TEAD3: variants seen among roughly 807,000 people sequenced by gnomAD.
TEAD3 encodes TEA domain transcription factor 3, also known as transcriptional enhancer factor TEF-5.
A neutral mutation model predicts 55.6 loss-of-function variants in TEAD3; 15 were observed. That is an observed-to-expected ratio of 0.27 (90% confidence interval 0.18 to 0.42). TEAD3 has a LOEUF of 0.42. Among genes scored for constraint, TEAD3 ranks in the 10% least tolerant of loss-of-function variants. TEAD3 has a pLI of 1.00. For missense variants in TEAD3, 407 were observed against 576.8 expected, an observed-to-expected ratio of 0.71 and a Z score of 3.01; for synonymous variants, 210 against 232.2, an observed-to-expected ratio of 0.90 and a Z score of 0.87.
Position 35,486,791 on chromosome 6 carries a change from G to A in TEAD3, c.-49-80C>T. On this transcript the variant is annotated intron_variant, in intron 1 of 12. Transcript: ENST00000639578. This position sits in a 1 kb window ranked among gnomAD's most constrained non-coding sequence, Gnocchi z 7.3. ...CTCCTATCCCACAGCCGCTGGCTCT[G>A]GAGCTCCGCCCCCAGCCCCAAGCCC... 1 of 1,047,958 alleles carries A rather than the reference G, an allele frequency of 9.5e-7. No individual in the cohort carries two copies. Among genetic ancestry groups the A allele is most frequent in the Non-Finnish European group, 1.4e-6 (1 of 734,888 alleles). 64.9% of individuals were successfully genotyped at this position (1,047,958 alleles called of 1,614,324 possible).
In TEAD3 at chr6:35,475,784, C is replaced by G. The variant is rs1367982797; in HGVS notation, c.901-78G>C. The G allele has an allele frequency of 1.3e-6, 2 of 1,516,856 alleles. No individual in the cohort carries two copies. The highest frequency in any genetic ancestry group is 1.8e-6 in the Non-Finnish European group (2 of 1,133,456). The allele number at this position is 1,516,856 out of a possible 1,614,324, so 94.0% of individuals were successfully genotyped here. On this transcript the variant is annotated intron_variant, in intron 10 of 12. Transcript: ENST00000639578. This position sits in a 1 kb window ranked among gnomAD's most constrained non-coding sequence, Gnocchi z 5.4. Reference sequence around the variant, plus strand: ...CGCCACACCACATCAGAGTCCTGCCCAAGGATCCATCTCTGGCACTCTGCC... The same window carrying G: ...CGCCACACCACATCAGAGTCCTGCCGAAGGATCCATCTCTGGCACTCTGCC...
chr6:35,478,902 C>T (rs1408342768), intron 5 of TEAD3, among the ~76,000 whole-genome samples: 5 of 126,932 alleles, frequency 3.9e-5, no homozygotes, highest in Non-Finnish European at 7.9e-5. Flanking sequence ...TTTTTTGAGA[C>T]GGAGTCTCGC....
chr6:35,492,931 C>A (rs1424241520), intron 1 of TEAD3, among the ~76,000 whole-genome samples: 1 of 152,070 alleles, frequency 6.6e-6, no homozygotes, highest in Admixed American at 6.6e-5. Flanking sequence ...TCTCAGGTAT[C>A]CAGTGAGAGA....
At chr6:35,477,456 A>G in intron 7 of TEAD3, 84 bp from the exon 8 acceptor site, 1 of 1,350,644 alleles carries the variant, frequency 7.4e-7, no homozygotes, top group Non-Finnish European at 1.0e-6. Context: ...AGACCCCAGG[A>G]GCAAGCCACC....
In TEAD3 at chr6:35,488,385, C is replaced by T. The variant is rs1442301300; in HGVS notation, c.-49-1674G>A. On this transcript the variant is annotated intron_variant, in intron 1 of 12. Transcript: ENST00000639578. The surrounding 1 kb of genome is among the most constrained non-coding windows in gnomAD (Gnocchi z 4.2). ...CACCAGGCCCCCTATCACTCACAAC[C>T]CCAAGACTCACCCCAAATCCCCTTC... is the stretch of plus-strand genomic sequence containing the variant. Among the ~76,000 whole-genome samples, 1 of 152,114 alleles carries T rather than the reference C, an allele frequency of 6.6e-6. No individual in the cohort carries two copies. The highest frequency in any genetic ancestry group is 1.5e-5 in the Non-Finnish European group (1 of 68,020).
intron 1 of TEAD3, among the ~76,000 whole-genome samples, chr6:35,492,615 G>A (rs375050950): frequency 8.6e-5 from 11 of 127,250 alleles, no homozygotes; most frequent in Middle Eastern, 5.3e-3. Flanking sequence ...CCCACCCCCC[G>A]CCCTGCTTAT....
chr6:35,480,496 G>A, intron 3 of TEAD3, 122 bp from the exon 4 acceptor site: 4 of 986,822 alleles, frequency 4.1e-6, no homozygotes, highest in Non-Finnish European at 6.1e-6. Flanking sequence ...ACATGTAAAT[G>A]GGGGGACCTT....
chr6:35,475,258 AG>A lies in TEAD3; in HGVS notation c.1194+77del. On this transcript the variant is annotated intron_variant, in intron 12 of 12. Transcript: ENST00000639578. The surrounding 1 kb of genome is among the most constrained non-coding windows in gnomAD (Gnocchi z 5.4). The stretch of plus-strand genomic sequence containing the variant: ...TCTCCTTTCCGGATCTATGCCTCTC[AG>A]CCAAGCGATGTGTCTGGCTACCCAA... 1 of 1,603,972 alleles carries A rather than the reference AG, an allele frequency of 6.2e-7. No homozygotes were observed. The highest frequency in any genetic ancestry group is 8.5e-7 in the Non-Finnish European group (1 of 1,174,066).
At position 35,486,109 on chromosome 6, in the gene TEAD3, C is replaced by T. The variant is rs1282971151; in HGVS notation, c.202+352G>A. Among the ~76,000 whole-genome samples the T allele has an allele frequency of 1.3e-5, 2 of 152,220 alleles. No homozygotes were observed. Among genetic ancestry groups the T allele is most frequent in the East Asian group, 3.9e-4 (2 of 5,166 alleles). On this transcript the variant is annotated intron_variant, in intron 2 of 12. Coordinates refer to ENST00000639578, the Ensembl canonical transcript of TEAD3. The surrounding 1 kb of genome is among the most constrained non-coding windows in gnomAD (Gnocchi z 7.3). Reference sequence around the variant, plus strand: ...AGTCACCGGGCGACTATCACCGGGCCTCCTTTCCACATCCTCCTCCGGGAA... The same window carrying T: ...AGTCACCGGGCGACTATCACCGGGCTTCCTTTCCACATCCTCCTCCGGGAA...
At chr6:35,495,859 T>C (rs1487087275) in intron 1 of TEAD3, among the ~76,000 whole-genome samples, 1 of 152,106 alleles carries the variant, frequency 6.6e-6, no homozygotes, top group African/African-American at 2.4e-5. Flanking sequence ...GGACAACAAG[T>C]CCAGGCCTGA....
Position 35,496,119 on chromosome 6 carries a change from A to C in TEAD3, c.-50+779T>G, listed in dbSNP as rs1768642760. Among the ~76,000 whole-genome samples the C allele has an allele frequency of 6.6e-6, 1 of 150,658 alleles. No homozygotes were observed. The highest frequency in any genetic ancestry group is 1.5e-5 in the Non-Finnish European group (1 of 67,556). ...AGCAGGAATAAAGGGCATGACAGACAATGGTGGGGACCGGGGTAGGAAGCG... is the reference window on the plus strand; with the variant it reads ...AGCAGGAATAAAGGGCATGACAGACCATGGTGGGGACCGGGGTAGGAAGCG... On this transcript the variant is annotated intron_variant, in intron 1 of 12. Coordinates refer to ENST00000639578, the Ensembl canonical transcript of TEAD3. This position sits in a 1 kb window ranked among gnomAD's most constrained non-coding sequence, Gnocchi z 4.8.
chr6:35,478,247 G>A (rs908699827), intron 7 of TEAD3, 28 bp downstream of exon 7: 10 of 1,612,230 alleles, frequency 6.2e-6, no homozygotes, highest in Middle Eastern at 3.8e-4. Context: ...GAGGAAGAGG[G>A]CGTGGGATGA....
At chr6:35,493,541 C>T (rs980755160) in intron 1 of TEAD3, among the ~76,000 whole-genome samples, 3 of 152,218 alleles carry the variant, frequency 2.0e-5, no homozygotes, top group Non-Finnish European at 4.4e-5. Flanking sequence ...CACCGCATAC[C>T]ATATTCATGC....
downstream of TEAD3, chr6:35,474,759 C>T (rs2150909893): frequency 7.8e-6 from 3 of 383,872 alleles, no homozygotes; most frequent in East Asian, 1.6e-4. Context: ...CCTATCCCCA[C>T]CTCTCTGAGG....
chr6:35,475,359 G>A lies in TEAD3; in HGVS notation c.1171C>T (p.Leu391=). The stretch of plus-strand genomic sequence containing the variant: ...ACCTGCAGGATGGTGAAGTTCTCCA[G>A]CACGCTGTTCATCATGTACTTCTCG... Residue 391 remains leucine, a synonymous_variant, in exon 12 of 13, where the codon CTG becomes TTG. Transcript: ENST00000639578. This position sits in a 1 kb window ranked among gnomAD's most constrained non-coding sequence, Gnocchi z 5.4. 2 of 1,614,012 alleles carry A rather than the reference G, an allele frequency of 1.2e-6. No homozygotes were observed. Among genetic ancestry groups the A allele is most frequent in the Non-Finnish European group, 8.5e-7 (1 of 1,179,948 alleles).
At chr6:35,490,574 C>T (rs1768493362) in intron 1 of TEAD3, among the ~76,000 whole-genome samples, 1 of 152,188 alleles carries the variant, frequency 6.6e-6, no homozygotes, top group African/African-American at 2.4e-5. Context: ...GAATGTGCAC[C>T]CCCAAGCTGA....
At position 35,475,544 on chromosome 6, in the gene TEAD3, G is replaced by A. The variant is rs1176274695; in HGVS notation, c.1041+22C>T. On this transcript the variant is annotated intron_variant, in intron 11 of 12. Coordinates refer to ENST00000639578, the Ensembl canonical transcript of TEAD3. This position sits in a 1 kb window ranked among gnomAD's most constrained non-coding sequence, Gnocchi z 5.4. The stretch of plus-strand genomic sequence containing the variant: ...GCCTGCCTGCTCCCAGCCCCACCAA[G>A]CCACCCAGAGCCCCCACTCACCTCC... 6.2e-7 allele frequency: 1 copy of A among 1,604,028 alleles called. No individual in the cohort carries two copies. Among genetic ancestry groups the A allele is most frequent in the East Asian group, 2.2e-5 (1 of 44,728 alleles).
rs1768352681 is a variant in TEAD3 at position 35,485,352 on chromosome 6, AC to A, written c.203-729del. On this transcript the variant is annotated intron_variant, in intron 2 of 12. Coordinates refer to ENST00000639578, the Ensembl canonical transcript of TEAD3. The surrounding 1 kb of genome is among the most constrained non-coding windows in gnomAD (Gnocchi z 4.3). Reference sequence around the variant, plus strand: ...GTGCGGGGTCTGTTCTGCACCACAGACCCTCTGAGGGCCCAAAAGCTGCCAG... The same window carrying A: ...GTGCGGGGTCTGTTCTGCACCACAGACCTCTGAGGGCCCAAAAGCTGCCAG... Among the ~76,000 whole-genome samples, 1 of 151,450 alleles carries A rather than the reference AC, an allele frequency of 6.6e-6. No homozygotes were observed. The highest frequency in any genetic ancestry group is 2.4e-5 in the African/African-American group (1 of 41,034).
At chr6:35,494,787 G>A (rs561049470) in intron 1 of TEAD3, among the ~76,000 whole-genome samples, 67 of 152,194 alleles carry the variant, frequency 4.4e-4, no homozygotes, top group African/African-American at 1.6e-3. Context: ...AGCACCCTTT[G>A]TGCCATTCAG....
Sources: allele counts gnomAD v4.1 joint callset (sites outside exome capture counted in the v4.1 genomes callset), GRCh38; gene constraint gnomAD v4.1.1; non-coding constraint Gnocchi (gnomAD v3.1); transcripts MANE v1.5; gene names NCBI Gene and HGNC (gene_info 2026-07-23, HGNC 2026-07-21).